The following SNAP25 variants were observed in gnomAD, a reference collection of about 807,000 sequenced individuals.
The protein encoded by SNAP25 is synaptosome associated protein 25, also known as synaptosomal-associated protein 25.
A neutral mutation model predicts 28.7 loss-of-function variants in SNAP25; 3 were observed. The ratio of observed to expected loss-of-function variants is 0.10; its 90% CI spans 0.05 to 0.27. The LOEUF (loss-of-function observed/expected upper bound fraction) is 0.27, where lower values mean the gene tolerates loss of function less well. Ranked by LOEUF, SNAP25 falls within the 10% of genes least tolerant of loss-of-function variation. The pLI, the probability that SNAP25 is intolerant of heterozygous loss-of-function variation, is 1.00. For missense variants in SNAP25, 117 were observed against 278.7 expected (o/e 0.42, Z 4.13); for synonymous variants, 61 against 88.1 (o/e 0.69, Z 1.72).
intron 7 of SNAP25, among the ~76,000 whole-genome samples, chr20:10,304,781 T>TA (rs1417022304): frequency 1.3e-5 from 2 of 152,200 alleles, no homozygotes; most frequent in Non-Finnish European, 2.9e-5. Flanking sequence ...TGATTTTTTT[T>TA]AAATGTGAAA....
At chr20:10,277,523 A>C (rs922742929) in intron 2 of SNAP25, among the ~76,000 whole-genome samples, 162 bp from the exon 3 acceptor site, 2 of 152,194 alleles carry the variant, frequency 1.3e-5, no homozygotes, top group Admixed American at 1.3e-4. Context: ...GATAGGAAAG[A>C]GTTTGAAAAT....
chr20:10,219,162 GA>G, intron 1 of SNAP25, 185 bp downstream of exon 1: 1 of 152,484 alleles, frequency 6.6e-6, no homozygotes, highest in Non-Finnish European at 1.5e-5. Context: ...AGCTGCTGGG[GA>G]AAAGGGAAAC....
intron 1 of SNAP25, among the ~76,000 whole-genome samples, chr20:10,248,184 G>C (rs927889005): frequency 6.6e-6 from 1 of 152,210 alleles, no homozygotes; most frequent in African/African-American, 2.4e-5. Context: ...ACACACATGT[G>C]TGCACAGAAG....
intron 2 of SNAP25, 120 bp from the exon 3 acceptor site, chr20:10,277,565 G>C: frequency 1.2e-6 from 1 of 822,044 alleles, no homozygotes; most frequent in Non-Finnish European, 1.9e-6. Context: ...CTTGCCAACT[G>C]AAAAGAATAT....
At chr20:10,259,733 G>A (rs950940071) in intron 1 of SNAP25, among the ~76,000 whole-genome samples, 1 of 151,886 alleles carries the variant, frequency 6.6e-6, no homozygotes, top group Non-Finnish European at 1.5e-5. Context: ...AGATGGGTCT[G>A]GCCATGTTGC....
At chr20:10,267,676 C>T (rs1259204260) in intron 1 of SNAP25, among the ~76,000 whole-genome samples, 12 of 152,108 alleles carry the variant, frequency 7.9e-5, no homozygotes, top group Non-Finnish European at 1.5e-4. Context: ...CTCAGCCTCC[C>T]GAGTGCCTGG....
chr20:10,301,396 C>G (rs1465117420), intron 7 of SNAP25, among the ~76,000 whole-genome samples: 3 of 152,154 alleles, frequency 2.0e-5, no homozygotes, highest in African/African-American at 7.2e-5. Context: ...CCAGTCAGCA[C>G]TTTAAATAGC....
At chr20:10,271,929 G>A (rs1250902354) in intron 1 of SNAP25, among the ~76,000 whole-genome samples, 4 of 152,144 alleles carry the variant, frequency 2.6e-5, no homozygotes, top group African/African-American at 9.7e-5. Flanking sequence ...CAGGAACCCA[G>A]CAGCAAAATA....
At chr20:10,234,501 T>C (rs1431781490) in intron 1 of SNAP25, among the ~76,000 whole-genome samples, 2 of 152,232 alleles carry the variant, frequency 1.3e-5, no homozygotes, top group African/African-American at 2.4e-5. Flanking sequence ...CCTCTCCAAT[T>C]TGCCGCAAAG....
intron 5 of SNAP25, among the ~76,000 whole-genome samples, chr20:10,295,929 C>T (rs1023965972): frequency 6.6e-6 from 1 of 152,178 alleles, no homozygotes; most frequent in African/African-American, 2.4e-5. Context: ...AAACCACTCT[C>T]CTCCATTACA....
intron 1 of SNAP25, among the ~76,000 whole-genome samples, chr20:10,245,478 T>C (rs191732182): frequency 1.8e-4 from 27 of 152,296 alleles, no homozygotes; most frequent in African/African-American, 5.5e-4. Context: ...AAGTTTCTGA[T>C]TGGGAGAACT....
intron 1 of SNAP25, among the ~76,000 whole-genome samples, chr20:10,266,175 G>C (rs1374733425): frequency 1.3e-5 from 2 of 152,182 alleles, no homozygotes; most frequent in African/African-American, 4.8e-5. Context: ...TGATGATTCA[G>C]AAAATGGAAG....
intron 1 of SNAP25, among the ~76,000 whole-genome samples, chr20:10,225,008 A>G (rs1188061388): frequency 2.0e-5 from 3 of 152,078 alleles, no homozygotes; most frequent in South Asian, 2.1e-4. Flanking sequence ...TTTAAAAGTA[A>G]CATTCCTGTG....
chr20:10,228,394 C>T (rs1373972155), intron 1 of SNAP25, among the ~76,000 whole-genome samples: 2 of 152,104 alleles, frequency 1.3e-5, no homozygotes, highest in Non-Finnish European at 2.9e-5. Context: ...GCACAAAATA[C>T]ATTGAGATCC....
intron 2 of SNAP25, 123 bp from the exon 3 acceptor site, chr20:10,277,562 A>G: frequency 2.6e-6 from 2 of 784,304 alleles, no homozygotes; most frequent in Non-Finnish European, 2.0e-6. Context: ...TCACTTGCCA[A>G]CTGAAAAGAA....
chr20:10,281,945 A>T (rs1397203873), intron 3 of SNAP25, among the ~76,000 whole-genome samples: 1 of 152,190 alleles, frequency 6.6e-6, no homozygotes, highest in Non-Finnish European at 1.5e-5. Context: ...GCTGAGACAC[A>T]GAACAGGTGA....
At chr20:10,223,781 T>G (rs1203110583) in intron 1 of SNAP25, among the ~76,000 whole-genome samples, 1 of 152,186 alleles carries the variant, frequency 6.6e-6, no homozygotes, top group Non-Finnish European at 1.5e-5. Context: ...TAATACCTAC[T>G]CTTTCTACAT....
intron 1 of SNAP25, among the ~76,000 whole-genome samples, chr20:10,258,504 G>A (rs1243230720): frequency 1.3e-5 from 2 of 152,134 alleles, no homozygotes; most frequent in African/African-American, 2.4e-5. Context: ...ACATCTTAGC[G>A]TTTGGCCACA....
intron 1 of SNAP25, among the ~76,000 whole-genome samples, chr20:10,252,121 C>T (rs576814902): frequency 2.7e-4 from 41 of 152,330 alleles, no homozygotes; most frequent in African/African-American, 8.7e-4. Flanking sequence ...TCTGCACATA[C>T]GGAGACACCC....
Sources: gnomAD v4.1 joint callset for allele counts (sites outside exome capture counted in the v4.1 genomes callset) on GRCh38, gnomAD v4.1.1 for gene constraint, MANE v1.5 for transcripts, NCBI Gene and HGNC (gene_info 2026-07-23, HGNC 2026-07-21) for gene names.